The following SRGAP2B variants were observed in gnomAD, a reference collection of about 807,000 sequenced individuals.
SRGAP2B encodes SLIT-ROBO Rho GTPase-activating protein 2B.
In SRGAP2B, 9 loss-of-function variants were observed where a neutral mutation model predicts 22.2. That is an observed-to-expected ratio of 0.41 (90% CI 0.24 to 0.71). The LOEUF (loss-of-function observed/expected upper bound fraction) is 0.71, where lower values mean the gene tolerates loss of function less well. Ranked by LOEUF, SRGAP2B falls within the 30% of genes least tolerant of loss-of-function variation. The pLI, the probability that SRGAP2B is intolerant of heterozygous loss-of-function variation, is 0.35. For synonymous variants in SRGAP2B, 36 were observed against 87.4 expected, an observed-to-expected ratio of 0.41 and a Z score of 3.28; for missense variants, 114 against 235.8, an observed-to-expected ratio of 0.48 and a Z score of 3.38.
intron 2 of SRGAP2B, among the ~76,000 whole-genome samples, chr1:145,067,031 G>C (rs1273337022): frequency 6.7e-6 from 1 of 149,016 alleles, no homozygotes; most frequent in Non-Finnish European, 1.5e-5. Context: ...ACTTACATCT[G>C]TACTCCCGAC....
chr1:145,030,093 T>C (rs1231767173), intron 2 of SRGAP2B, among the ~76,000 whole-genome samples: 4 of 149,948 alleles, frequency 2.7e-5, no homozygotes, highest in African/African-American at 7.6e-5. Context: ...ATACTTTTTA[T>C]AATGTCCTTA....
At chr1:144,940,972 T>C (rs1403759935) in intron 4 of SRGAP2B, among the ~76,000 whole-genome samples, 3 of 149,766 alleles carry the variant, frequency 2.0e-5, no homozygotes, top group Admixed American at 2.0e-4. Context: ...AAAATTACAC[T>C]AAGCTTAATA....
Position 144,907,824 on chromosome 1 carries a change from C to T in SRGAP2B, c.487-1750G>A, listed in dbSNP as rs2439119. Reference sequence around the variant, plus strand: ...GCCCCTACGATCAGCTAGAGGCAGACGAAAGAATAAAGAATACTGGGACAC... The same window carrying T: ...GCCCCTACGATCAGCTAGAGGCAGATGAAAGAATAAAGAATACTGGGACAC... On this transcript the variant is annotated intron_variant, in intron 5 of 9. Transcript: ENST00000612199. 2.5e-4 allele frequency among the ~76,000 whole-genome samples: 38 copies of T among 149,940 alleles called. 2 individuals are homozygous for T. The highest frequency in any genetic ancestry group is 6.3e-4 in the African/African-American group (25 of 39,792).
chr1:145,076,147 T>A (rs1652484195), intron 2 of SRGAP2B, among the ~76,000 whole-genome samples: 1 of 150,088 alleles, frequency 6.7e-6, no homozygotes, highest in Admixed American at 6.6e-5. Flanking sequence ...CAAAACCTAC[T>A]TTTCTATCTT....
chr1:144,970,414 G>T (rs375403229), intron 3 of SRGAP2B, among the ~76,000 whole-genome samples: 2 of 119,318 alleles, frequency 1.7e-5, no homozygotes, highest in East Asian at 4.8e-4. Context: ...ACCAAACACC[G>T]CATATTCTCA....
At chr1:145,007,388 G>A (rs1352833461) in intron 2 of SRGAP2B, among the ~76,000 whole-genome samples, 5 of 150,660 alleles carry the variant, frequency 3.3e-5, no homozygotes, top group East Asian at 1.9e-4. Flanking sequence ...AAGAATCCCC[G>A]AATTCCTTCA....
At chr1:145,079,726 AG>A (rs1326222557) in intron 2 of SRGAP2B, among the ~76,000 whole-genome samples, 1 of 129,862 alleles carries the variant, frequency 7.7e-6, no homozygotes, top group African/African-American at 3.2e-5. Context: ...ATTAGGCGAA[AG>A]GAAAACAAAC....
intron 3 of SRGAP2B, among the ~76,000 whole-genome samples, chr1:144,991,348 T>A (rs1670205111): frequency 6.6e-6 from 1 of 150,392 alleles, no homozygotes; most frequent in African/African-American, 2.5e-5. Flanking sequence ...ACCCTGTGTT[T>A]AGCTCAAGGT....
intron 5 of SRGAP2B, among the ~76,000 whole-genome samples, chr1:144,907,162 T>C (rs1420576421): frequency 3.3e-5 from 5 of 149,452 alleles, no homozygotes; most frequent in Non-Finnish European, 5.9e-5. Flanking sequence ...TGTGTGTGTG[T>C]GCATGTGTGT....
intron 2 of SRGAP2B, among the ~76,000 whole-genome samples, chr1:144,996,004 A>G (rs1670649490): frequency 6.6e-6 from 1 of 150,440 alleles, no homozygotes; most frequent in Non-Finnish European, 1.5e-5. Flanking sequence ...CTATAGTGTC[A>G]TAGCTAGAAA....
intron 4 of SRGAP2B, among the ~76,000 whole-genome samples, chr1:144,937,105 G>GT (rs1185947709): frequency 2.8e-5 from 4 of 141,782 alleles, no homozygotes; most frequent in African/African-American, 1.1e-4. Context: ...TGCATTTAGT[G>GT]TATCTCTAAA....
At chr1:144,975,714 C>T (rs587641872) in intron 3 of SRGAP2B, among the ~76,000 whole-genome samples, 18 of 149,488 alleles carry the variant, frequency 1.2e-4, no homozygotes, top group East Asian at 5.9e-4. Context: ...TCTGTTATGG[C>T]GACATAAAAC....
intron 4 of SRGAP2B, chr1:144,918,219 A>G (rs1376214856): frequency 1.4e-5 from 2 of 141,044 alleles, no homozygotes; most frequent in Non-Finnish European, 3.0e-5. Context: ...AGTTGGGGGA[A>G]AAAATTACTT....
At chr1:145,007,174 G>A (rs587705767) in intron 2 of SRGAP2B, among the ~76,000 whole-genome samples, 29 of 150,608 alleles carry the variant, frequency 1.9e-4, no homozygotes, top group African/African-American at 7.0e-4. Context: ...GAGGTTCAGA[G>A]AGATCAGTTA....
chr1:144,971,766 C>T (rs1668543720), intron 3 of SRGAP2B, among the ~76,000 whole-genome samples: 1 of 150,858 alleles, frequency 6.6e-6, no homozygotes, highest in Non-Finnish European at 1.5e-5. Context: ...CTAGAAGGGA[C>T]TTTCAAGATG....
At chr1:145,012,466 GGA>G (rs1328424309) in intron 2 of SRGAP2B, among the ~76,000 whole-genome samples, 1 of 141,052 alleles carries the variant, frequency 7.1e-6, no homozygotes, top group African/African-American at 2.8e-5. Context: ...AAAAATCAAA[GGA>G]GAGATGCATT....
rs1170450090 is a variant in SRGAP2B at position 145,075,889 on chromosome 1, A to G, written c.67+16946T>C. Among the ~76,000 whole-genome samples the G allele has an allele frequency of 4.0e-5, 6 of 149,408 alleles. 1 individual carries two copies. The highest frequency in any genetic ancestry group is 8.9e-5 in the Non-Finnish European group (6 of 67,510). Reference sequence around the variant, plus strand: ...GATCACTTGAGGTCAGGAGTTCAAGACCAGCCTGGCCAACACAGTGAAACC... The same window carrying G: ...GATCACTTGAGGTCAGGAGTTCAAGGCCAGCCTGGCCAACACAGTGAAACC... On this transcript the variant is annotated intron_variant, in intron 2 of 9. Transcript: ENST00000612199.
chr1:145,021,957 G>A lies in SRGAP2B; in HGVS notation c.68-26757C>T, dbSNP rs1392282200. Among the ~76,000 whole-genome samples, 16 of 144,902 alleles carry A rather than the reference G, an allele frequency of 1.1e-4. 1 individual carries two copies. Among genetic ancestry groups the A allele is most frequent in the African/African-American group, 3.8e-4 (14 of 37,224 alleles). Reference sequence around the variant, plus strand: ...TGTGCAATTAACAAATTCAGAATCCGCAGCTTGCTTCCCTGTGGGAAGGGC... The same window carrying A: ...TGTGCAATTAACAAATTCAGAATCCACAGCTTGCTTCCCTGTGGGAAGGGC... On this transcript the variant is annotated intron_variant, in intron 2 of 9. Transcript: ENST00000612199.
chr1:144,969,947 A>T (rs1668376326), intron 3 of SRGAP2B, among the ~76,000 whole-genome samples: 1 of 150,792 alleles, frequency 6.6e-6, no homozygotes, highest in South Asian at 2.1e-4. Context: ...CACTATTGAG[A>T]TATCATCTCA....
Sources: gnomAD v4.1 joint callset for allele counts (sites outside exome capture counted in the v4.1 genomes callset) on GRCh38, gnomAD v4.1.1 for gene constraint, MANE v1.5 for transcripts, NCBI Gene and HGNC (gene_info 2026-07-23, HGNC 2026-07-21) for gene names.